NEFM: variants seen among roughly 807,000 people sequenced by gnomAD.
NEFM encodes neurofilament medium polypeptide.
NEFM carries 16 observed loss-of-function variants against 48.1 expected under a neutral mutation model. The observed-to-expected ratio is 0.33, with a 90% CI of 0.23 to 0.51. The LOEUF is 0.51. Ranked by LOEUF, NEFM falls within the 20% of genes least tolerant of loss-of-function variation. The pLI, the probability that NEFM is intolerant of heterozygous loss-of-function variation, is 0.98. For missense variants in NEFM, 1,107 were observed against 1,136.0 expected (o/e 0.97, Z 0.37); for synonymous variants, 465 against 456.9 (o/e 1.02, Z -0.23).
Position 24,917,290 on chromosome 8 carries a change from G to A in NEFM, c.1435G>A (p.Glu479Lys), listed in dbSNP as rs374915155. The change falls in exon 3 of 3, where the codon GAA becomes AAA. Residue 479 changes from glutamate (E) to lysine (K), a missense_variant. Coordinates refer to ENST00000221166, the MANE Select transcript of NEFM (RefSeq NM_005382.2). ...AGAGGCCCTGACAGCCATTACAGAGGAATTGGCCGTTTCCATGAAGGAAGA... is the reference window on the plus strand; with the variant it reads ...AGAGGCCCTGACAGCCATTACAGAGAAATTGGCCGTTTCCATGAAGGAAGA... ...MEEALTAITE[E>K]LAVSMKEEKK... 3.7e-6 allele frequency: 6 copies of A among 1,613,940 alleles called. No individual in the cohort carries two copies. Among genetic ancestry groups the A allele is most frequent in the African/African-American group, 2.7e-5 (2 of 74,868 alleles).
intron 2 of NEFM, among the ~76,000 whole-genome samples, chr8:24,916,671 G>A (rs368793627): frequency 7.6e-4 from 115 of 152,214 alleles, no homozygotes; most frequent in African/African-American, 2.5e-3. Context: ...GTTTGGGGGC[G>A]TTTTGTTTAT....
intron 2 of NEFM, 131 bp downstream of exon 2, chr8:24,915,860 C>T (rs1032232055): frequency 7.6e-6 from 9 of 1,179,094 alleles, no homozygotes; most frequent in African/African-American, 6.1e-5. Flanking sequence ...ATCTTGCTTA[C>T]TTAAAAAGAA....
In NEFM at chr8:24,914,114, G is replaced by T. The variant is rs773589455; in HGVS notation, c.321G>T (p.Gly107=). Residue 107 remains glycine (G), a synonymous_variant, in exon 1 of 3, where the codon GGG becomes GGT. Coordinates refer to ENST00000221166, the MANE Select transcript of NEFM (RefSeq NM_005382.2). ...SRSNEKEQLQ[G]LNDRFAGYIE... is the part of the protein sequence containing the mutation. ...CCAACGAGAAGGAGCAGCTGCAGGGGCTGAACGACCGCTTTGCCGGCTACA... is the reference window on the plus strand; with the variant it reads ...CCAACGAGAAGGAGCAGCTGCAGGGTCTGAACGACCGCTTTGCCGGCTACA... 3.7e-6 allele frequency: 6 copies of T among 1,613,104 alleles called. No individual in the cohort carries two copies. The highest frequency in any genetic ancestry group is 1.1e-5 in the South Asian group (1 of 91,060).
At position 24,917,545 on chromosome 8, in the gene NEFM, G is replaced by T. The variant is rs534951627; in HGVS notation, c.1690G>T (p.Gly564Cys). Residue 564 changes from glycine to cysteine, a missense_variant, in exon 3 of 3, where the codon GGT (glycine) becomes TGT (cysteine). By Grantham distance (159) the Gly-to-Cys change is radical (BLOSUM62 -3). Around this residue, in one of 3 missense-constraint regions of NEFM, gnomAD observed 917 missense variants for 916.4 expected, o/e 1.00. Transcript: ENST00000221166. ...GGAAGGCTCTAGTGAAAAAGAGGAA[G>T]GTGAGCAGGAAGAAGGAGAAACAGA... ...EKEGSSEKEE[G>C]EQEEGETEAE... 4 of 1,564,058 alleles carry T rather than the reference G, an allele frequency of 2.6e-6. No homozygotes were observed. The South Asian group carries it at 4.7e-5, about 18-fold the overall frequency.
chr8:24,913,984 G>C lies in NEFM; in HGVS notation c.191G>C (p.Ser64Thr), dbSNP rs770839249. The C allele has an allele frequency of 6.2e-7, 1 of 1,610,754 alleles. No homozygotes were observed. Among genetic ancestry groups the C allele is most frequent in the South Asian group, 1.1e-5 (1 of 90,974 alleles). ...ATGCTCGCCCCGCGCCTCGCTTACA[G>C]CTCGGCCATGCTCAGCTCCGCCGAG... The part of the protein sequence containing the change: ...RSMLAPRLAY[S>T]SAMLSSAESS... The change falls in exon 1 of 3, where the codon AGC becomes ACC. Residue 64 changes from serine (S) to threonine (T), a missense_variant. Ser to Thr is a moderately conservative substitution (Grantham distance 58). Around this residue, in one of 3 missense-constraint regions of NEFM, gnomAD observed 186 missense variants for 200.6 expected, o/e 0.93. Transcript: ENST00000221166.
At chr8:24,916,628 T>TGAC (rs2117222823) in intron 2 of NEFM, among the ~76,000 whole-genome samples, 1 of 152,340 alleles carries the variant, frequency 6.6e-6, no homozygotes, top group Non-Finnish European at 1.5e-5. Flanking sequence ...TTTAAGAAAG[T>TGAC]GACTACTCTC....
chr8:24,914,307 C>A lies in NEFM; in HGVS notation c.514C>A (p.Gln172Lys). ...EMVNHEKAQV[Q>K]LDSDHLEEDI... ...GGTGAACCACGAGAAGGCTCAGGTG[C>A]AGCTGGACTCGGACCACCTGGAGGA... is the stretch of plus-strand genomic sequence containing the variant. Residue 172 changes from glutamine to lysine, a missense_variant, in exon 1 of 3, where the codon CAG becomes AAG. Coordinates refer to ENST00000221166, the MANE Select transcript of NEFM (RefSeq NM_005382.2). The A allele has an allele frequency of 1.2e-6, 2 of 1,613,438 alleles. No homozygotes were observed. Among genetic ancestry groups the A allele is most frequent in the Non-Finnish European group, 1.7e-6 (2 of 1,179,860 alleles).
Position 24,915,655 on chromosome 8 carries a change from G to A in NEFM, c.1131G>A (p.Met377Ile). 3.7e-6 allele frequency: 6 copies of A among 1,614,056 alleles called. No individual in the cohort carries two copies. The highest frequency in any genetic ancestry group is 5.1e-6 in the Non-Finnish European group (6 of 1,180,020). ...AGCTTCGGGGCACAAAGTGGGAAAT[G>A]GCTCGTCATTTGCGCGAATACCAGG... ...ENELRGTKWEMARHLREYQDL... is the reference protein window; with the variant it reads ...ENELRGTKWEIARHLREYQDL... The change falls in exon 2 of 3, where the codon ATG becomes ATA. Residue 377 changes from methionine to isoleucine, a missense_variant. Met to Ile is a conservative substitution (Grantham distance 10). Transcript: ENST00000221166.
chr8:24,918,510 G>C lies in NEFM; in HGVS notation c.2655G>C (p.Glu885Asp). 6.2e-7 allele frequency: 1 copy of C among 1,614,060 alleles called. No homozygotes were observed. Among genetic ancestry groups the C allele is most frequent in the Non-Finnish European group, 8.5e-7 (1 of 1,179,964 alleles). ...TAACCGTCACTCAAAAGGTTGAAGA[G>C]CATGAAGAGACCTTTGAGGAGAAAC... ...KSVTVTQKVEEHEETFEEKLV... is the reference protein window; with the variant it reads ...KSVTVTQKVEDHEETFEEKLV... Residue 885 changes from glutamate (E) to aspartate (D), a missense_variant, in exon 3 of 3, where the codon GAG (glutamate) becomes GAC (aspartate). Physicochemically the swap from Glu to Asp is conservative, Grantham distance 45 (BLOSUM62 2). Transcript: ENST00000221166.
In NEFM at chr8:24,917,098, T is replaced by G. The variant is rs764055908; in HGVS notation, c.1243T>G (p.Phe415Val). Residue 415 changes from phenylalanine (F) to valine (V), a missense_variant, in exon 3 of 3, where the codon TTT becomes GTT. By Grantham distance (50) the Phe-to-Val change is conservative. Transcript: ENST00000221166. ...LEGEETRFST[F>V]AGSITGPLYT... ...GGGTGAAGAGACTAGATTTAGCACA[T>G]TTGCAGGAAGCATCACTGGGCCACT... is the stretch of plus-strand genomic sequence containing the variant. 2 of 1,614,128 alleles carry G rather than the reference T, an allele frequency of 1.2e-6. No individual in the cohort carries two copies. The highest frequency in any genetic ancestry group is 3.3e-5 in the Admixed American group (2 of 60,010).
chr8:24,913,953 C>A lies in NEFM; in HGVS notation c.160C>A (p.Arg54Ser). The A allele has an allele frequency of 6.2e-7, 1 of 1,611,826 alleles. No individual in the cohort carries two copies. The highest frequency in any genetic ancestry group is 1.7e-5 in the Admixed American group (1 of 60,004). The change falls in exon 1 of 3, where the codon CGC (arginine) becomes AGC (serine). Residue 54 changes from arginine to serine, a missense_variant. Coordinates refer to ENST00000221166, the MANE Select transcript of NEFM (RefSeq NM_005382.2). ...CAGCACCGTGTCCTCCTCCTATAAG[C>A]GCAGCATGCTCGCCCCGCGCCTCGC... ...SPSTVSSSYK[R>S]SMLAPRLAYS...
At chr8:24,915,269 G>C in intron 1 of NEFM, 1 of 1,276,066 alleles carries the variant, frequency 7.8e-7, no homozygotes, top group South Asian at 1.8e-5. Flanking sequence ...ATTGGCTTCA[G>C]CCCAAAGGGC....
chr8:24,917,304 C>T lies in NEFM; in HGVS notation c.1449C>T (p.Ser483=), dbSNP rs1202701884. The T allele has an allele frequency of 1.2e-6, 2 of 1,613,858 alleles. No homozygotes were observed. Among genetic ancestry groups the T allele is most frequent in the African/African-American group, 1.3e-5 (1 of 74,944 alleles). Residue 483 remains serine (S), a synonymous_variant, in exon 3 of 3, where the codon TCC becomes TCT. Coordinates refer to ENST00000221166, the MANE Select transcript of NEFM (RefSeq NM_005382.2). ...CCATTACAGAGGAATTGGCCGTTTC[C>T]ATGAAGGAAGAGAAGAAAGAAGCAG... ...LTAITEELAV[S]MKEEKKEAAE...
chr8:24,915,365 C>T lies in NEFM; in HGVS notation c.1081-240C>T, dbSNP rs767427367. 55 of 1,128,686 alleles carry T rather than the reference C, an allele frequency of 4.9e-5. 1 individual carries two copies. The highest frequency in any genetic ancestry group is 6.4e-5 in the Non-Finnish European group (54 of 843,556). 69.9% of individuals were successfully genotyped at this position (1,128,686 alleles called of 1,614,324 possible). On this transcript the variant is annotated intron_variant, in intron 1 of 2. Coordinates refer to ENST00000221166, the MANE Select transcript of NEFM (RefSeq NM_005382.2). Reference sequence around the variant, plus strand: ...GACGTGTTCTAAGTCCACTGGTCTCCGTGCGTGATGTGCCCAGGAAGTGTC... The same window carrying T: ...GACGTGTTCTAAGTCCACTGGTCTCTGTGCGTGATGTGCCCAGGAAGTGTC...
At position 24,915,657 on chromosome 8, in the gene NEFM, C is replaced by T; in HGVS notation, c.1133C>T (p.Ala378Val). ...CTTCGGGGCACAAAGTGGGAAATGGCTCGTCATTTGCGCGAATACCAGGAC... is the reference window on the plus strand; with the variant it reads ...CTTCGGGGCACAAAGTGGGAAATGGTTCGTCATTTGCGCGAATACCAGGAC... The part of the protein sequence containing the change: ...NELRGTKWEM[A>V]RHLREYQDLL... Residue 378 changes from alanine to valine, a missense_variant, in exon 2 of 3, where the codon GCT becomes GTT. This residue lies in a region of NEFM where 917 missense variants were observed against 916.4 expected (regional missense o/e 1.00). Transcript: ENST00000221166. 1.9e-6 allele frequency: 3 copies of T among 1,614,080 alleles called. No individual in the cohort carries two copies. Among genetic ancestry groups the T allele is most frequent in the Non-Finnish European group, 2.5e-6 (3 of 1,180,004 alleles).
rs751760271 is a variant in NEFM at position 24,917,319 on chromosome 8, G to A, written c.1464G>A (p.Lys488=). ...TGGCCGTTTCCATGAAGGAAGAGAA[G>A]AAAGAAGCAGCAGAAGAAAAGGAAG... ...EELAVSMKEE[K]KEAAEEKEEE... is the part of the protein sequence containing the mutation. The change falls in exon 3 of 3, where the codon AAG becomes AAA. Residue 488 remains lysine (K), a synonymous_variant. Coordinates refer to ENST00000221166, the MANE Select transcript of NEFM (RefSeq NM_005382.2). The A allele has an allele frequency of 1.2e-6, 2 of 1,613,636 alleles. No individual in the cohort carries two copies. Among genetic ancestry groups the A allele is most frequent in the African/African-American group, 2.7e-5 (2 of 74,850 alleles).
intron 1 of NEFM, 56 bp from the exon 2 acceptor site, chr8:24,915,549 A>T (rs1281370888): frequency 1.2e-6 from 2 of 1,610,668 alleles, no homozygotes; most frequent in Non-Finnish European, 1.7e-6. Context: ...GTGGTTTGCG[A>T]AGGAAGTTGC....
intron 1 of NEFM, 77 bp from the exon 2 acceptor site, chr8:24,915,528 A>G: frequency 6.3e-7 from 1 of 1,598,660 alleles, no homozygotes; most frequent in African/African-American, 1.3e-5. Flanking sequence ...GCCAGGGGGA[A>G]GGGGTAGCAA....
chr8:24,915,921 A>T (rs1802566799), intron 2 of NEFM, among the ~76,000 whole-genome samples, 192 bp downstream of exon 2: 1 of 152,252 alleles, frequency 6.6e-6, no homozygotes, highest in African/African-American at 2.4e-5. Flanking sequence ...ATGCAGCTTT[A>T]AAAGAATGAA....
Sources: allele counts gnomAD v4.1 joint callset (sites outside exome capture counted in the v4.1 genomes callset), GRCh38; gene constraint gnomAD v4.1.1; regional missense constraint gnomAD v4.1.1; transcripts MANE v1.5; gene names NCBI Gene and HGNC (gene_info 2026-07-23, HGNC 2026-07-21).